UBA1: variants seen among roughly 807,000 people sequenced by gnomAD.
UBA1 encodes ubiquitin like modifier activating enzyme 1, also known as ubiquitin-like modifier-activating enzyme 1.
Under a neutral mutation model 84.7 loss-of-function variants are expected in UBA1, and 4 were observed. The observed-to-expected ratio is 0.05, with a 90% CI of 0.02 to 0.11. The LOEUF (loss-of-function observed/expected upper bound fraction) is 0.11. Ranked by LOEUF, UBA1 falls within the 10% of genes least tolerant of loss-of-function variation. The pLI, the probability that UBA1 is intolerant of heterozygous loss-of-function variation, is 1.00. For missense variants in UBA1, 513 were observed against 902.8 expected (o/e 0.57, Z 5.53); for synonymous variants, 364 against 362.6 (o/e 1.00, Z -0.04).
intron 17 of UBA1, 95 bp downstream of exon 17, chrX:47,209,782 C>T (rs1936846110): frequency 2.8e-6 from 3 of 1,087,351 alleles, no homozygotes; most frequent in South Asian, 3.7e-5. Flanking sequence ...GCACCAGGCA[C>T]ACTTTTCACA....
rs1936859386 is a variant in UBA1, at chrX:47,210,116, C to G, written c.2192C>G (p.Pro731Arg). ...NIRQLLHNFPPDQLTSSGAPF... is the reference protein window; with the variant it reads ...NIRQLLHNFPRDQLTSSGAPF... ...CGGCAGCTGCTGCACAACTTCCCTC[C>G]TGACCAGGTAATGCCCAGTTGTTGG... The change falls in exon 18 of 26, where the codon CCT becomes CGT. Residue 731 changes from proline to arginine, a missense_variant. By Grantham distance (103) the Pro-to-Arg change is moderately radical. Transcript: ENST00000335972. The G allele has an allele frequency of 8.3e-7, 1 of 1,210,604 alleles. No homozygotes were observed. Among genetic ancestry groups the G allele is most frequent in the African/African-American group, 1.7e-5 (1 of 57,302 alleles).
Position 47,212,620 on chromosome X carries a change from G to C in UBA1, c.2553+108G>C, listed in dbSNP as rs782163491. On this transcript the variant is annotated intron_variant, in intron 21 of 25. Transcript: ENST00000335972. Reference sequence around the variant, plus strand: ...CCCGGGCCTTTGTGGGGATCAGATTGTGGGCCTGCCATATGGCTCTGAATG... The same window carrying C: ...CCCGGGCCTTTGTGGGGATCAGATTCTGGGCCTGCCATATGGCTCTGAATG... The C allele has an allele frequency of 1.0e-5, 9 of 871,948 alleles. No individual in the cohort carries two copies. The South Asian group carries it at 1.9e-4, about 19-fold the overall frequency. The allele number at this position is 871,948 out of a possible 1,213,427, so 71.9% of individuals were successfully genotyped here. A position where few individuals can be genotyped will look rare whatever the true frequency, so the allele number is the denominator to read the frequency against.
rs375897993 is a variant in UBA1 at position 47,205,724 on chromosome X, C to T, written c.1576-224C>T. The T allele has an allele frequency of 1.4e-4, 61 of 447,801 alleles. No homozygotes were observed. In the East Asian group the frequency reaches 1.6e-3, roughly 12 times the overall value. The allele number at this position is 447,801 out of a possible 1,213,427, so 36.9% of individuals were successfully genotyped here. ...CAAAAATTAGCCACGCATGGTGGCA[C>T]ACACCTGTGGTCCCAGCTACTCGGG... On this transcript the variant is annotated intron_variant, in intron 14 of 25. Coordinates refer to ENST00000335972, the MANE Select transcript of UBA1 (RefSeq NM_003334.4).
intron 16 of UBA1, among the ~76,000 whole-genome samples, chrX:47,208,318 TGTGTA>T (rs1556791995): frequency 2.3e-5 from 2 of 86,063 alleles, no homozygotes; most frequent in African/African-American, 1.1e-4. Context: ...CGTGTAAGTG[TGTGTA>T]CGTGTGTGTG....
At chrX:47,210,226 C>T in intron 18 of UBA1, 103 bp downstream of exon 18, 1 of 947,161 alleles carries the variant, frequency 1.1e-6, no homozygotes, top group Middle Eastern at 3.2e-4. Flanking sequence ...GGCAGGTGCC[C>T]TGAGGCATGG....
chrX:47,202,031 T>C, intron 8 of UBA1, 125 bp from the exon 9 acceptor site: 2 of 589,764 alleles, frequency 3.4e-6, no homozygotes, highest in South Asian at 4.9e-5. Flanking sequence ...AAGTGGAGCC[T>C]GGAGCTGAGG....
At chrX:47,204,168 G>A (rs1158040102) in intron 14 of UBA1, among the ~76,000 whole-genome samples, 4 of 21,136 alleles carry the variant, frequency 1.9e-4, no homozygotes, top group Admixed American at 4.8e-4. Flanking sequence ...TTTTTTTTTT[G>A]CCTTAACCTC....
At position 47,202,791 on chromosome X, in the gene UBA1, C is replaced by G. The variant is rs782501756; in HGVS notation, c.1210C>G (p.Leu404Val). 2 of 1,206,604 alleles carry G rather than the reference C, an allele frequency of 1.7e-6. No individual in the cohort carries two copies. Among genetic ancestry groups the G allele is most frequent in the African/African-American group, 3.5e-5 (2 of 57,178 alleles). Residue 404 changes from leucine (L) to valine (V), a missense_variant, in exon 11 of 26, where the codon CTG (leucine) becomes GTG (valine). Leu to Val is a conservative substitution (Grantham distance 32, BLOSUM62 1). Around this residue, in one of 6 missense-constraint regions of UBA1, gnomAD observed 227 missense variants for 339.1 expected, o/e 0.67. Coordinates refer to ENST00000335972, the MANE Select transcript of UBA1 (RefSeq NM_003334.4). ...LAPINAFIGG[L>V]AAQEVMKACS... ...ACCCATAAACGCCTTCATTGGGGGC[C>G]TGGCTGCCCAGGAAGTCATGAAGGT...
intron 18 of UBA1, among the ~76,000 whole-genome samples, 193 bp from the exon 19 acceptor site, chrX:47,210,647 TTC>T (rs1382118440): frequency 2.7e-5 from 3 of 111,743 alleles, no homozygotes; most frequent in Non-Finnish European, 3.8e-5. Context: ...TTGGTAATTG[TTC>T]TCTCAGCCAG....
rs782273343 is a variant in UBA1, at chrX:47,202,197, G to A, written c.853G>A (p.Asp285Asn). Residue 285 changes from aspartate to asparagine, a missense_variant, in exon 9 of 26, where the codon GAC becomes AAC. Physicochemically the swap from Asp to Asn is conservative, Grantham distance 23. Coordinates refer to ENST00000335972, the MANE Select transcript of UBA1 (RefSeq NM_003334.4). ...CATCTGTGACACCTCCAACTTCTCC[G>A]ACTACATCCGTGGAGGCATCGTCAG... ...FSICDTSNFS[D>N]YIRGGIVSQV... 3.3e-6 allele frequency: 4 copies of A among 1,208,828 alleles called. No individual in the cohort carries two copies. Among genetic ancestry groups the A allele is most frequent in the East Asian group, 5.9e-5 (2 of 33,774 alleles).
At chrX:47,200,802 T>C (rs925101547) in intron 5 of UBA1, 92 bp from the exon 6 acceptor site, 69 of 675,113 alleles carry the variant, frequency 1.0e-4, no homozygotes, top group Middle Eastern at 3.0e-4. Context: ...CCTGGATGTG[T>C]TTGCCTTGAG....
Position 47,202,962 on chromosome X carries a change from T to C in UBA1, c.1253T>C (p.Met418Thr). 1 of 1,211,663 alleles carries C rather than the reference T, an allele frequency of 8.3e-7. No homozygotes were observed. The highest frequency in any genetic ancestry group is 1.8e-5 in the South Asian group (1 of 56,989). ...EVMKACSGKF[M>T]PIMQWLYFDA... ...CTCCAGGCCTGCTCCGGGAAGTTCA[T>C]GCCCATCATGCAGTGGCTATACTTT... is the stretch of plus-strand genomic sequence containing the variant. The change falls in exon 12 of 26, where the codon ATG becomes ACG. Residue 418 changes from methionine to threonine, a missense_variant. Transcript: ENST00000335972.
intron 16 of UBA1, chrX:47,209,250 G>A: frequency 2.5e-6 from 1 of 404,355 alleles, no homozygotes; most frequent in Non-Finnish European, 4.3e-6. Context: ...CGCCTCCCGG[G>A]TTCAAGAGAT....
At chrX:47,198,343 C>A in intron 1 of UBA1, 1 of 943,705 alleles carries the variant, frequency 1.1e-6, no homozygotes, top group Non-Finnish European at 1.4e-6. Context: ...ATCTCGATAA[C>A]CCCGTGGGGA....
chrX:47,202,807 T>C lies in UBA1; in HGVS notation c.1226T>C (p.Val409Ala), dbSNP rs1556788859. Reference sequence around the variant, plus strand: ...ATTGGGGGCCTGGCTGCCCAGGAAGTCATGAAGGTCAGCACGGGTGGGGAG... The same window carrying C: ...ATTGGGGGCCTGGCTGCCCAGGAAGCCATGAAGGTCAGCACGGGTGGGGAG... ...AFIGGLAAQE[V>A]MKACSGKFMP... Residue 409 changes from valine to alanine, a missense_variant, in exon 11 of 26, where the codon GTC becomes GCC. Physicochemically the swap from Val to Ala is moderately conservative, Grantham distance 64. Around this residue, in one of 6 missense-constraint regions of UBA1, gnomAD observed 227 missense variants for 339.1 expected, o/e 0.67. Coordinates refer to ENST00000335972, the MANE Select transcript of UBA1 (RefSeq NM_003334.4). The C allele has an allele frequency of 3.3e-6, 4 of 1,205,103 alleles. No homozygotes were observed. The African/African-American group carries it at 7.0e-5, about 21-fold the overall frequency.
chrX:47,201,168 C>A, intron 6 of UBA1, 108 bp from the exon 7 acceptor site: 1 of 824,838 alleles, frequency 1.2e-6, no homozygotes, highest in Non-Finnish European at 1.8e-6. Flanking sequence ...TACATCCCAG[C>A]AGTGATAGGC....
At chrX:47,198,656 G>A (rs1417871624) in intron 1 of UBA1, 147 bp from the exon 2 acceptor site, 2 of 587,546 alleles carry the variant, frequency 3.4e-6, no homozygotes, top group South Asian at 2.6e-5. Context: ...CCCTGGGCAA[G>A]TCCTCACCTT....
At position 47,203,224 on chromosome X, in the gene UBA1, C is replaced by T. The variant is rs1556789205; in HGVS notation, c.1419+10C>T. On this transcript the variant is annotated intron_variant, in intron 13 of 25. Transcript: ENST00000335972. ...GCAGAAGTATTTCCTGGTAAGTGGT[C>T]CCCTTGGATGTCTGCTCCCCTCATC... The T allele has an allele frequency of 1.7e-6, 2 of 1,209,750 alleles. No individual in the cohort carries two copies. The highest frequency in any genetic ancestry group is 2.2e-6 in the Non-Finnish European group (2 of 893,363).
At chrX:47,205,489 C>A (rs373271806) in intron 14 of UBA1, 6 of 344,238 alleles carry the variant, frequency 1.7e-5, no homozygotes, top group Admixed American at 6.2e-5. Context: ...TGTCACAGAC[C>A]GTCTCTCCTG....
Sources: allele counts gnomAD v4.1 joint callset (sites outside exome capture counted in the v4.1 genomes callset), GRCh38; gene constraint gnomAD v4.1.1; regional missense constraint gnomAD v4.1.1; transcripts MANE v1.5; gene names NCBI Gene and HGNC (gene_info 2026-07-23, HGNC 2026-07-21).